The following PHLPP2 variants were observed in gnomAD, a reference collection of about 807,000 sequenced individuals.
The protein encoded by PHLPP2 is PH domain and leucine rich repeat protein phosphatase 2, also known as PH domain leucine-rich repeat-containing protein phosphatase 2.
PHLPP2 carries 66 observed loss-of-function variants against 124.9 expected under a neutral mutation model. The observed-to-expected ratio is 0.53, with a 90% CI of 0.43 to 0.65. PHLPP2 has a LOEUF of 0.65. Ranked by LOEUF, PHLPP2 falls within the 30% of genes least tolerant of loss-of-function variation. The pLI, the probability that PHLPP2 is intolerant of heterozygous loss-of-function variation, is 0.00. For missense variants in PHLPP2, 1,685 were observed against 1,600.4 expected, an observed-to-expected ratio of 1.05 and a Z score of -0.90; for synonymous variants, 681 against 624.7, an observed-to-expected ratio of 1.09 and a Z score of -1.34.
In PHLPP2 at chr16:71,648,925, TC is replaced by T. The variant is rs1238911228; in HGVS notation, c.3936del (p.Thr1313ProfsTer28). The T allele has an allele frequency of 6.2e-6, 10 of 1,612,996 alleles. No homozygotes were observed. Among genetic ancestry groups the T allele is most frequent in the Non-Finnish European group, 8.5e-6 (10 of 1,180,018 alleles). ...GTGTCGAACTCCTCCGGGGGCTCGG[TC>T]CGATCCTCTTCATGGGGCTCAGGCT... is the stretch of plus-strand genomic sequence containing the variant. ...RLEPEPHEED[R>X]TEPPEEFDTA... On this transcript the variant is annotated frameshift_variant, in exon 19 of 19. Coordinates refer to ENST00000568954, the MANE Select transcript of PHLPP2 (RefSeq NM_015020.3). LOFTEE classifies it high-confidence loss of function.
rs1251425000 is a variant in PHLPP2 at position 71,669,324 on chromosome 16, T to C, written c.1579A>G (p.Ile527Val). The C allele has an allele frequency of 2.5e-6, 4 of 1,612,708 alleles. No homozygotes were observed. The highest frequency in any genetic ancestry group is 1.7e-5 in the Admixed American group (1 of 60,012). Residue 527 changes from isoleucine to valine, a missense_variant, in exon 11 of 19, where the codon ATA (isoleucine) becomes GTA (valine). Coordinates refer to ENST00000568954, the MANE Select transcript of PHLPP2 (RefSeq NM_015020.3). Reference protein sequence around the residue: ...VPDWACEAKKIEVLDVSYNLL... With the variant: ...VPDWACEAKKVEVLDVSYNLL... Reference sequence around the variant, plus strand: ...TTATAGCTCACATCTAATACTTCTATCTTCTTTGCTTCACAGGCCCAGTCA... The same window carrying C: ...TTATAGCTCACATCTAATACTTCTACCTTCTTTGCTTCACAGGCCCAGTCA...
chr16:71,673,764 T>C (rs1023608367), intron 9 of PHLPP2, among the ~76,000 whole-genome samples: 3 of 152,290 alleles, frequency 2.0e-5, no homozygotes, highest in African/African-American at 7.2e-5. Flanking sequence ...ATTCACTGTT[T>C]AGACACATTA....
At chr16:71,675,445 A>G (rs1449801667) in intron 9 of PHLPP2, among the ~76,000 whole-genome samples, 1 of 152,220 alleles carries the variant, frequency 6.6e-6, no homozygotes, top group Non-Finnish European at 1.5e-5. Flanking sequence ...CACTATTGAA[A>G]TCAGTGGCTT....
rs767584109 is a variant in PHLPP2 at position 71,658,716 on chromosome 16, G to T, written c.2085C>A (p.Thr695=). The T allele has an allele frequency of 1.9e-6, 3 of 1,613,916 alleles. No individual in the cohort carries two copies. The highest frequency in any genetic ancestry group is 3.3e-5 in the Admixed American group (2 of 59,984). ...TGATGTTGTTGGAGTGTGCAACAAG[G>T]GTGTGCAGCCTTTTACAGTTTGCTA... ...TTIANCKRLH[T]LVAHSNNISI... The change falls in exon 14 of 19, where the codon ACC becomes ACA. Residue 695 remains threonine, a synonymous_variant. Coordinates refer to ENST00000568954, the MANE Select transcript of PHLPP2 (RefSeq NM_015020.3).
chr16:71,667,338 G>C lies in PHLPP2; in HGVS notation c.1629-5C>G. 1 of 1,608,868 alleles carries C rather than the reference G, an allele frequency of 6.2e-7. No homozygotes were observed. The highest frequency in any genetic ancestry group is 1.1e-5 in the South Asian group (1 of 90,578). ...AGACTCAAGCTACTCAGAATTCTAA[G>C]GGGGGAGCATACAAACAAACACATT... On this transcript the variant is annotated splice_polypyrimidine_tract_variant and splice_region_variant and intron_variant, in intron 11 of 18. Coordinates refer to ENST00000568954, the MANE Select transcript of PHLPP2 (RefSeq NM_015020.3).
At position 71,649,570 on chromosome 16, in the gene PHLPP2, A is replaced by G. The variant is rs1314384859; in HGVS notation, c.3292T>C (p.Ser1098Pro). Residue 1098 changes from serine to proline, a missense_variant, in exon 19 of 19, where the codon TCT becomes CCT. By Grantham distance (74) the Ser-to-Pro change is moderately conservative. Coordinates refer to ENST00000568954, the MANE Select transcript of PHLPP2 (RefSeq NM_015020.3). ...AGGCCCCCAGCATTATGCTCATCAGAAGCAGTGGACCCCACTTCACTGCTC... is the reference window on the plus strand; with the variant it reads ...AGGCCCCCAGCATTATGCTCATCAGGAGCAGTGGACCCCACTTCACTGCTC... ...EVSSEVGSTA[S>P]DEHNAGGLDT... The G allele has an allele frequency of 6.2e-7, 1 of 1,614,084 alleles. No individual in the cohort carries two copies.
At chr16:71,720,232 G>GTGC in intron 1 of PHLPP2, among the ~76,000 whole-genome samples, 1 of 151,610 alleles carries the variant, frequency 6.6e-6, no homozygotes, top group Non-Finnish European at 1.5e-5. Context: ...GCCTCCCAAA[G>GTGC]TGCTGGGATT....
At position 71,668,415 on chromosome 16, in the gene PHLPP2, C is replaced by CAAA. The variant is rs34860764; in HGVS notation, c.1628+857_1628+859dup. On this transcript the variant is annotated intron_variant, in intron 11 of 18. Coordinates refer to ENST00000568954, the MANE Select transcript of PHLPP2 (RefSeq NM_015020.3). ...TGGGCGATAGAGCGAGACTCTGTCTCAAAAAAAAAAAAAAAAAAAAAAAAA... is the reference window on the plus strand; with the variant it reads ...TGGGCGATAGAGCGAGACTCTGTCTCAAAAAAAAAAAAAAAAAAAAAAAAAAAA... 4.5e-4 allele frequency among the ~76,000 whole-genome samples: 12 copies of CAAA among 26,944 alleles called. 1 individual carries two copies. The highest frequency in any genetic ancestry group is 6.3e-4 in the Non-Finnish European group (10 of 15,846). 17.7% of individuals were successfully genotyped at this position (26,944 alleles called of 152,430 possible).
intron 1 of PHLPP2, among the ~76,000 whole-genome samples, chr16:71,717,402 T>G (rs1209118370): frequency 6.6e-6 from 1 of 152,206 alleles, no homozygotes; most frequent in Non-Finnish European, 1.5e-5. Context: ...TCTTGGGGAT[T>G]TAGGCATTGC....
intron 12 of PHLPP2, 61 bp downstream of exon 12, chr16:71,667,117 G>C: frequency 7.4e-7 from 1 of 1,355,910 alleles, no homozygotes; most frequent in Non-Finnish European, 1.0e-6. Flanking sequence ...CCAATGATAA[G>C]TCACTGCAGT....
intron 9 of PHLPP2, among the ~76,000 whole-genome samples, chr16:71,674,974 G>A (rs528397813): frequency 1.1e-4 from 17 of 152,340 alleles, no homozygotes; most frequent in Middle Eastern, 3.4e-3. Flanking sequence ...TCCAGCCTGG[G>A]CAACAGAGCT....
Position 71,684,550 on chromosome 16 carries a change from C to T in PHLPP2, c.661G>A (p.Ala221Thr), listed in dbSNP as rs762604711. 1 of 1,613,860 alleles carries T rather than the reference C, an allele frequency of 6.2e-7. No individual in the cohort carries two copies. The highest frequency in any genetic ancestry group is 1.1e-5 in the South Asian group (1 of 91,060). ...CTGACATGATAGGTCTGAGCTTGGG[C>T]TCCTGCTGAGCTGAAAGCAAGGGAG... ...QYSLAFSSAG[A>T]QAQTYHVSFE... Residue 221 changes from alanine to threonine, a missense_variant, in exon 5 of 19, where the codon GCC becomes ACC. Physicochemically the swap from Ala to Thr is moderately conservative, Grantham distance 58. Transcript: ENST00000568954.
At chr16:71,679,776 T>C (rs2044979989) in intron 6 of PHLPP2, among the ~76,000 whole-genome samples, 1 of 152,106 alleles carries the variant, frequency 6.6e-6, no homozygotes, top group Admixed American at 6.6e-5. Context: ...AGCTCTCTTT[T>C]CTCCTTAAAA....
rs1370277329 is a variant in PHLPP2, at chr16:71,652,978, G to A, written c.2629C>T (p.Leu877=). 6.2e-7 allele frequency: 1 copy of A among 1,613,794 alleles called. No homozygotes were observed. Among genetic ancestry groups the A allele is most frequent in the Admixed American group, 1.7e-5 (1 of 60,026 alleles). ...AGQKLGSSAL[L]CYIRPDTADP... ...GCAGTGTCAGGGCGGATGTAGCACAGGAGAGCGGAGGAGCCCAACTTCTGG... is the reference window on the plus strand; with the variant it reads ...GCAGTGTCAGGGCGGATGTAGCACAAGAGAGCGGAGGAGCCCAACTTCTGG... Residue 877 remains leucine, a synonymous_variant, in exon 18 of 19, where the codon CTG becomes TTG. Transcript: ENST00000568954.
At chr16:71,692,963 A>G (rs549874704) in intron 3 of PHLPP2, among the ~76,000 whole-genome samples, 9 of 152,232 alleles carry the variant, frequency 5.9e-5, no homozygotes, top group Non-Finnish European at 1.2e-4. Context: ...AACTATCCAG[A>G]TATCTCCAAC....
At chr16:71,723,650 ACTGCCTCAGCCACTGCGCGGGGCGGGGG>A in intron 1 of PHLPP2, 1 of 410,568 alleles carries the variant, frequency 2.4e-6, no homozygotes, top group Non-Finnish European at 3.9e-6. Context: ...GGGGCCGCCG[ACTGCCTCAGCCACTGCGCGGGGCGGGGG>A]CGGCAGCGGC....
chr16:71,678,068 C>A (rs931532796), intron 8 of PHLPP2: 11 of 152,148 alleles, frequency 7.2e-5, no homozygotes, highest in African/African-American at 2.4e-4. Flanking sequence ...CTGGCTCACA[C>A]CTGTAATCCC....
intron 3 of PHLPP2, among the ~76,000 whole-genome samples, chr16:71,695,339 G>A (rs561131297): frequency 6.6e-6 from 1 of 152,142 alleles, no homozygotes; most frequent in Non-Finnish European, 1.5e-5. Flanking sequence ...TGGAAACAAA[G>A]TAAATGTCCA....
rs1261841040 is a variant in PHLPP2 at position 71,684,571 on chromosome 16, G to T, written c.640C>A (p.Leu214Ile). Residue 214 changes from leucine to isoleucine, a missense_variant, in exon 5 of 19, where the codon CTT becomes ATT. Physicochemically the swap from Leu to Ile is conservative, Grantham distance 5 (BLOSUM62 2). Transcript: ENST00000568954. The part of the protein sequence containing the change: ...IEEVKRRQYS[L>I]AFSSAGAQAQ... Reference sequence around the variant, plus strand: ...TGGGCTCCTGCTGAGCTGAAAGCAAGGGAGTATTGCCGTCGCTTCACTTCT... The same window carrying T: ...TGGGCTCCTGCTGAGCTGAAAGCAATGGAGTATTGCCGTCGCTTCACTTCT... The T allele has an allele frequency of 6.2e-7, 1 of 1,613,756 alleles. No homozygotes were observed. Among genetic ancestry groups the T allele is most frequent in the East Asian group, 2.2e-5 (1 of 44,880 alleles).
Sources: gnomAD v4.1 joint callset for allele counts (sites outside exome capture counted in the v4.1 genomes callset) on GRCh38, gnomAD v4.1.1 for gene constraint, MANE v1.5 for transcripts, NCBI Gene and HGNC (gene_info 2026-07-23, HGNC 2026-07-21) for gene names.